The following NR2C1 variants were observed in gnomAD, a reference collection of about 807,000 sequenced individuals.
The protein encoded by NR2C1 is nuclear receptor subfamily 2 group C member 1, also known as TR2 nuclear hormone receptor.
A neutral mutation model predicts 74.8 loss-of-function variants in NR2C1; 33 were observed. The observed-to-expected ratio is 0.44, with a 90% confidence interval of 0.33 to 0.59. The LOEUF is 0.59. NR2C1 is among the 20% of genes least tolerant of loss of function. The probability of loss-of-function intolerance (pLI) is 0.02; values close to 1 mark genes in which losing one functional copy is unlikely to be tolerated. For synonymous variants in NR2C1, 225 were observed against 240.6 expected (o/e 0.94, Z 0.60); for missense variants, 568 against 715.6 (o/e 0.79, Z 2.35).
At position 95,057,580 on chromosome 12, in the gene NR2C1, C is replaced by T. The variant is rs1874104976; in HGVS notation, c.756G>A (p.Glu252=). 1 of 1,613,714 alleles carries T rather than the reference C, an allele frequency of 6.2e-7. No homozygotes were observed. Among genetic ancestry groups the T allele is most frequent in the South Asian group, 1.1e-5 (1 of 91,054 alleles). The change falls in exon 7 of 14, where the codon GAG becomes GAA. Residue 252 remains glutamate, a synonymous_variant. Coordinates refer to ENST00000333003, the MANE Select transcript of NR2C1 (RefSeq NM_003297.4). The part of the protein sequence containing the change: ...MNIHPSGVKT[E]SAVLMTSDKA... ...TATCTGATGTCATCAGCACAGCTGA[C>T]TCAGTTTTTACTCCAGATGGATGAA...
chr12:95,034,285 G>A (rs1870539039), intron 10 of NR2C1, among the ~76,000 whole-genome samples: 2 of 151,952 alleles, frequency 1.3e-5, no homozygotes, highest in Non-Finnish European at 1.5e-5. Flanking sequence ...GAAACTGCCT[G>A]TCATTTGAAA....
Position 95,058,494 on chromosome 12 carries a change from A to G in NR2C1, c.365-5T>C. The G allele has an allele frequency of 6.2e-7, 1 of 1,602,318 alleles. No homozygotes were observed. The highest frequency in any genetic ancestry group is 1.1e-5 in the South Asian group (1 of 89,532). Reference sequence around the variant, plus strand: ...TTACTGCTCCATAATGACGTCCTAGAGAGAAAATGTTTAAGAAAATATAAA... The same window carrying G: ...TTACTGCTCCATAATGACGTCCTAGGGAGAAAATGTTTAAGAAAATATAAA... On this transcript the variant is annotated splice_polypyrimidine_tract_variant and splice_region_variant and intron_variant, in intron 4 of 13. Transcript: ENST00000333003.
In NR2C1 at chr12:95,022,157, G is replaced by T. The variant is rs775782649; in HGVS notation, c.*72C>A. The T allele has an allele frequency of 2.4e-6, 3 of 1,231,708 alleles. No homozygotes were observed. Among genetic ancestry groups the T allele is most frequent in the Non-Finnish European group, 3.3e-6 (3 of 914,064 alleles). 76.3% of individuals were successfully genotyped at this position (1,231,708 alleles called of 1,614,324 possible). On this transcript the variant is annotated 3_prime_UTR_variant, in exon 14 of 14. Transcript: ENST00000333003. ...GTAAAAATTTCCAGATGCCTCAAAAGCAGTGAGTTCAATTTGGTGTCTTGT... is the reference window on the plus strand; with the variant it reads ...GTAAAAATTTCCAGATGCCTCAAAATCAGTGAGTTCAATTTGGTGTCTTGT...
chr12:95,056,521 T>A (rs1160876267), intron 7 of NR2C1, among the ~76,000 whole-genome samples: 7 of 152,208 alleles, frequency 4.6e-5, no homozygotes, highest in Admixed American at 1.3e-4. Context: ...GCAGTCCTAT[T>A]CCTACTCTTG....
intron 13 of NR2C1, among the ~76,000 whole-genome samples, 181 bp from the exon 14 acceptor site, chr12:95,022,584 T>G (rs933425841): frequency 6.6e-6 from 1 of 152,234 alleles, no homozygotes; most frequent in Non-Finnish European, 1.5e-5. Context: ...TGGCTATTAA[T>G]GCAGTCTGAC....
intron 8 of NR2C1, among the ~76,000 whole-genome samples, chr12:95,050,759 C>T (rs1362810985): frequency 2.0e-5 from 3 of 151,858 alleles, no homozygotes; most frequent in Admixed American, 2.0e-4. Flanking sequence ...AAATGATAAA[C>T]GCAGTGTAGG....
chr12:95,028,208 TG>T, intron 12 of NR2C1, 178 bp downstream of exon 12: 1 of 548,610 alleles, frequency 1.8e-6, no homozygotes, highest in Non-Finnish European at 3.2e-6. Context: ...TCTCTTGGGC[TG>T]ACAAGAGTGA....
intron 3 of NR2C1, among the ~76,000 whole-genome samples, chr12:95,061,548 T>C (rs1158860016): frequency 6.6e-6 from 1 of 152,240 alleles, no homozygotes; most frequent in Non-Finnish European, 1.5e-5. Context: ...CTTATAAATC[T>C]GTGACTGTAT....
rs1468336724 is a variant in NR2C1 at position 95,031,600 on chromosome 12, C to G, written c.1254-112G>C. 7 of 745,732 alleles carry G rather than the reference C, an allele frequency of 9.4e-6. No individual in the cohort carries two copies. The Admixed American group carries it at 1.2e-4, about 13-fold the overall frequency. The allele number at this position is 745,732 out of a possible 1,614,324, so 46.2% of individuals were successfully genotyped here. On this transcript the variant is annotated intron_variant, in intron 10 of 13. Coordinates refer to ENST00000333003, the MANE Select transcript of NR2C1 (RefSeq NM_003297.4). Reference sequence around the variant, plus strand: ...AGCATATTACTAAACTAAAATTATTCTAGAAAGATTTGAGCAAGTCTGTGT... The same window carrying G: ...AGCATATTACTAAACTAAAATTATTGTAGAAAGATTTGAGCAAGTCTGTGT...
At chr12:95,049,677 C>T (rs1174751115) in intron 8 of NR2C1, among the ~76,000 whole-genome samples, 17 of 151,924 alleles carry the variant, frequency 1.1e-4, no homozygotes. Flanking sequence ...TACTACAAGA[C>T]TATCAGCCTA....
chr12:95,054,654 A>G (rs1261770854), intron 7 of NR2C1, among the ~76,000 whole-genome samples: 2 of 152,226 alleles, frequency 1.3e-5, no homozygotes, highest in Non-Finnish European at 2.9e-5. Context: ...ATTTGAATAA[A>G]AAGTACATTA....
In NR2C1 at chr12:95,041,189, A is replaced by G. The variant is rs553873043; in HGVS notation, c.1132-592T>C. ...AGCACATTCTGTGTGAAACCTCCCT[A>G]TTTAAAAAAACTGGCAGGCCGGGTG... On this transcript the variant is annotated intron_variant, in intron 9 of 13. Coordinates refer to ENST00000333003, the MANE Select transcript of NR2C1 (RefSeq NM_003297.4). 3.3e-5 allele frequency among the ~76,000 whole-genome samples: 5 copies of G among 152,238 alleles called. No individual in the cohort carries two copies. In the East Asian group the frequency reaches 7.7e-4, roughly 24 times the overall value.
intron 4 of NR2C1, among the ~76,000 whole-genome samples, chr12:95,059,380 A>C (rs1158004469): frequency 6.6e-6 from 1 of 152,096 alleles, no homozygotes; most frequent in East Asian, 1.9e-4. Flanking sequence ...AAATCATATT[A>C]AATTGCACTG....
At chr12:95,053,394 G>A (rs1190745309) in intron 7 of NR2C1, among the ~76,000 whole-genome samples, 3 of 151,968 alleles carry the variant, frequency 2.0e-5, no homozygotes, top group East Asian at 1.9e-4. Context: ...TAATTTGTAC[G>A]GGAAAGGCAG....
At chr12:95,055,595 G>C (rs543268585) in intron 7 of NR2C1, among the ~76,000 whole-genome samples, 3 of 152,180 alleles carry the variant, frequency 2.0e-5, no homozygotes, top group Non-Finnish European at 4.4e-5. Flanking sequence ...GCGCCTTAAA[G>C]CATCAAGTGA....
chr12:95,028,243 C>T (rs768161253), intron 12 of NR2C1, 144 bp downstream of exon 12: 4 of 624,742 alleles, frequency 6.4e-6, no homozygotes, highest in Admixed American at 3.2e-5. Context: ...TATGATAACT[C>T]CATGTTTAAC....
chr12:95,060,044 A>T (rs1247828648), intron 3 of NR2C1, 60 bp from the exon 4 acceptor site: 1 of 1,265,762 alleles, frequency 7.9e-7, no homozygotes, highest in Admixed American at 2.7e-5. Context: ...ACTCAACAGC[A>T]CTCATTCTAT....
intron 9 of NR2C1, among the ~76,000 whole-genome samples, chr12:95,042,460 G>A (rs536598963): frequency 1.9e-4 from 29 of 152,052 alleles, no homozygotes; most frequent in African/African-American, 4.8e-4. Flanking sequence ...TGATCCGCCC[G>A]CCTGGGCCTC....
At chr12:95,039,022 C>T (rs1486693980) in intron 10 of NR2C1, among the ~76,000 whole-genome samples, 1 of 151,958 alleles carries the variant, frequency 6.6e-6, no homozygotes. Context: ...TTGCTTGAGC[C>T]CAGGAGTTCC....
Sources: gnomAD v4.1 joint callset for allele counts (sites outside exome capture counted in the v4.1 genomes callset) on GRCh38, gnomAD v4.1.1 for gene constraint, MANE v1.5 for transcripts, NCBI Gene and HGNC (gene_info 2026-07-23, HGNC 2026-07-21) for gene names.